Variants in AGL observed in about 807,000 individuals in gnomAD.
The protein encoded by AGL is glycogen debranching enzyme.
A neutral mutation model predicts 199.3 loss-of-function variants in AGL; 128 were observed. The ratio of observed to expected loss-of-function variants is 0.64; its 90% CI spans 0.56 to 0.74. The LOEUF (loss-of-function observed/expected upper bound fraction) is 0.74, where lower values mean the gene tolerates loss of function less well. Ranked by LOEUF, AGL falls within the 30% of genes least tolerant of loss-of-function variation. The pLI, the probability that AGL is intolerant of heterozygous loss-of-function variation, is 0.00. For synonymous variants in AGL, 584 were observed against 594.7 expected, an observed-to-expected ratio of 0.98 and a Z score of 0.26; for missense variants, 1,809 against 1,820.8, an observed-to-expected ratio of 0.99 and a Z score of 0.12.
intron 2 of AGL, among the ~76,000 whole-genome samples, chr1:99,857,707 C>A (rs1649643573): frequency 7.2e-6 from 1 of 139,558 alleles, no homozygotes; most frequent in East Asian, 2.1e-4. Context: ...AGGCACTCGG[C>A]AGGCTGAGGC....
chr1:99,901,498 T>C (rs1003500706), intron 26 of AGL, among the ~76,000 whole-genome samples: 5 of 151,872 alleles, frequency 3.3e-5, no homozygotes, highest in African/African-American at 9.7e-5. Flanking sequence ...TAGGCTCTTA[T>C]AAAATACGTT....
At chr1:99,913,999 TAGA>T (rs369863291) in intron 30 of AGL, among the ~76,000 whole-genome samples, 50 of 152,240 alleles carry the variant, frequency 3.3e-4, no homozygotes, top group African/African-American at 1.1e-3. Flanking sequence ...AGAGCACACA[TAGA>T]AGATGTTATT....
chr1:99,874,866 C>A, intron 8 of AGL, 56 bp downstream of exon 8: 2 of 1,572,188 alleles, frequency 1.3e-6, no homozygotes, highest in Non-Finnish European at 1.7e-6. Flanking sequence ...ACCTTTATGG[C>A]TAGTATGATT....
chr1:99,866,323 A>C (rs1650506284), intron 5 of AGL, among the ~76,000 whole-genome samples: 1 of 152,234 alleles, frequency 6.6e-6, no homozygotes, highest in Non-Finnish European at 1.5e-5. Context: ...TTAGATAGGC[A>C]TTCCTGGACT....
chr1:99,868,960 G>C (rs649184), intron 5 of AGL, among the ~76,000 whole-genome samples: 4,635 of 151,970 alleles, frequency 0.03, 230 homozygotes, highest in African/African-American at 0.11. Context: ...GAGTAGCTGG[G>C]ACTTTAGGCA....
intron 24 of AGL, 136 bp downstream of exon 24, chr1:99,892,743 A>G (rs1653006134): frequency 2.4e-6 from 2 of 820,480 alleles, no homozygotes; most frequent in South Asian, 1.6e-5. Flanking sequence ...CATTTCATAG[A>G]TATTCACTCA....
In AGL at chr1:99,873,165, T is replaced by C. The variant is rs142227927; in HGVS notation, c.959-1522T>C. Among the ~76,000 whole-genome samples, 64 of 152,246 alleles carry C rather than the reference T, an allele frequency of 4.2e-4. No homozygotes were observed. In the East Asian group the frequency reaches 0.012, roughly 28 times the overall value. On this transcript the variant is annotated intron_variant, in intron 7 of 33. Coordinates refer to ENST00000361915, the MANE Select transcript of AGL (RefSeq NM_000642.3). The stretch of plus-strand genomic sequence containing the variant: ...TATTTTTACATTTGAATATTTAATA[T>C]ACCTGAAATTTATTTTTGTGTATTA...
chr1:99,903,492 T>A (rs1654013060), intron 27 of AGL, among the ~76,000 whole-genome samples: 1 of 152,224 alleles, frequency 6.6e-6, no homozygotes, highest in Admixed American at 6.5e-5. Context: ...TGCATAGTAT[T>A]CCATGGTGTA....
intron 11 of AGL, 65 bp downstream of exon 11, chr1:99,876,662 T>A: frequency 6.3e-7 from 1 of 1,575,918 alleles, no homozygotes; most frequent in South Asian, 1.1e-5. Flanking sequence ...CAAAATAAAA[T>A]CTGCTTTACT....
chr1:99,880,106 G>T, intron 13 of AGL, 60 bp downstream of exon 13: 3 of 1,605,232 alleles, frequency 1.9e-6, no homozygotes, highest in East Asian at 2.2e-5. Context: ...GTAGATTAAA[G>T]GATTTAATAG....
chr1:99,881,363 A>C lies in AGL; in HGVS notation c.2073A>C (p.Glu691Asp). ...AAGCATTGCCTTCAAACACAGGTGA[A>C]GTTAATTTCCAAAGCGGCATTATTG... ...NPEALPSNTGEVNFQSGIIAA... is the reference protein window; with the variant it reads ...NPEALPSNTGDVNFQSGIIAA... Residue 691 changes from glutamate (E) to aspartate (D), a missense_variant, in exon 16 of 34, where the codon GAA becomes GAC. Glu to Asp is a conservative substitution (Grantham distance 45, BLOSUM62 2). Transcript: ENST00000361915. 1 of 1,614,162 alleles carries C rather than the reference A, an allele frequency of 6.2e-7. No homozygotes were observed. Among genetic ancestry groups the C allele is most frequent in the South Asian group, 1.1e-5 (1 of 91,088 alleles).
At chr1:99,919,160 T>C (rs554605803) in intron 33 of AGL, among the ~76,000 whole-genome samples, 1 of 152,336 alleles carries the variant, frequency 6.6e-6, no homozygotes, top group South Asian at 2.1e-4. Context: ...CAAGGAAGTC[T>C]GCCAGGCTCC....
intron 4 of AGL, 61 bp downstream of exon 4, chr1:99,862,484 T>C (rs1254814253): frequency 6.3e-7 from 1 of 1,577,174 alleles, no homozygotes; most frequent in African/African-American, 1.4e-5. Flanking sequence ...TCCTCTGTGA[T>C]ATAGATTTCA....
At chr1:99,853,448 C>A (rs1649141014) in intron 2 of AGL, among the ~76,000 whole-genome samples, 1 of 152,222 alleles carries the variant, frequency 6.6e-6, no homozygotes, top group Non-Finnish European at 1.5e-5. Context: ...AGAATATCAC[C>A]TCCTTTGTGA....
At chr1:99,862,488 G>T in intron 4 of AGL, 65 bp downstream of exon 4, 1 of 1,564,246 alleles carries the variant, frequency 6.4e-7, no homozygotes, top group Non-Finnish European at 8.8e-7. Flanking sequence ...CTGTGATATA[G>T]ATTTCAAAAG....
chr1:99,901,052 G>A (rs1049734571), intron 26 of AGL, among the ~76,000 whole-genome samples, 191 bp downstream of exon 26: 2 of 152,116 alleles, frequency 1.3e-5, no homozygotes, highest in African/African-American at 2.4e-5. Context: ...CAACATGGTA[G>A]AAGAGATGAT....
Position 99,877,633 on chromosome 1 carries a change from C to T in AGL, c.1424-8C>T, listed in dbSNP as rs775943758. 7 of 1,613,588 alleles carry T rather than the reference C, an allele frequency of 4.3e-6. No individual in the cohort carries two copies. Among genetic ancestry groups the T allele is most frequent in the South Asian group, 1.1e-5 (1 of 91,072 alleles). On this transcript the variant is annotated splice_region_variant and splice_polypyrimidine_tract_variant and intron_variant, in intron 11 of 33. Transcript: ENST00000361915. ...TGAACCATTGAAAGCAATCTCTTTTCTGAACAGGTTCAGAAGTTTACCTAA... is the reference window on the plus strand; with the variant it reads ...TGAACCATTGAAAGCAATCTCTTTTTTGAACAGGTTCAGAAGTTTACCTAA...
At position 99,856,680 on chromosome 1, in the gene AGL, A is replaced by T. The variant is rs1247899204; in HGVS notation, c.83-4823A>T. 5.3e-5 allele frequency among the ~76,000 whole-genome samples: 8 copies of T among 152,064 alleles called. No individual in the cohort carries two copies. The East Asian group carries it at 1.5e-3, about 29-fold the overall frequency. On this transcript the variant is annotated intron_variant, in intron 2 of 33. Coordinates refer to ENST00000361915, the MANE Select transcript of AGL (RefSeq NM_000642.3). The stretch of plus-strand genomic sequence containing the variant: ...CATGCTGCCTCCAAGCATCTGTTTA[A>T]CAAAGCACATCTTGCACCACCCTTA...
chr1:99,875,021 G>T, intron 8 of AGL, 133 bp from the exon 9 acceptor site: 1 of 1,036,638 alleles, frequency 9.6e-7, no homozygotes, highest in African/African-American at 1.6e-5. Flanking sequence ...TTTACAATTG[G>T]AAAACATCAT....
Sources: allele counts gnomAD v4.1 joint callset (sites outside exome capture counted in the v4.1 genomes callset), GRCh38; gene constraint gnomAD v4.1.1; transcripts MANE v1.5; gene names NCBI Gene and HGNC (gene_info 2026-07-23, HGNC 2026-07-21).